OSBPL5: variants seen among roughly 807,000 people sequenced by gnomAD.
The protein encoded by OSBPL5 is oxysterol binding protein like 5.
A neutral mutation model predicts 111.2 loss-of-function variants in OSBPL5; 71 were observed. The observed-to-expected ratio is 0.64, with a 90% CI of 0.53 to 0.78. The LOEUF (loss-of-function observed/expected upper bound fraction) is 0.78, where lower values mean the gene tolerates loss of function less well. Among genes scored for constraint, OSBPL5 ranks in the 30% least tolerant of loss-of-function variants. OSBPL5 has a pLI of 0.00. For missense variants in OSBPL5, 1,210 were observed against 1,189.3 expected (o/e 1.02, Z -0.26); for synonymous variants, 549 against 513.9 (o/e 1.07, Z -0.93).
chr11:3,127,904 T>G (rs535360665), intron 2 of OSBPL5, among the ~76,000 whole-genome samples: 6 of 152,250 alleles, frequency 3.9e-5, no homozygotes, highest in African/African-American at 1.4e-4. Flanking sequence ...CAGCACGTCT[T>G]CTGCACCGCC....
rs778526206 is a variant in OSBPL5 at position 3,120,495 on chromosome 11, C to T, written c.532G>A (p.Glu178Lys). ...AAGCCGTCCTTCTTGGAGGGCCGCT[C>T]GATGAGCTCGCAGCAGTGCAGCAGC... is the stretch of plus-strand genomic sequence containing the variant. ...TVLLHCCELI[E>K]RPSKKDGFCF... The change falls in exon 6 of 22, where the codon GAG (glutamate) becomes AAG (lysine). Residue 178 changes from glutamate to lysine, a missense_variant. By Grantham distance (56) the Glu-to-Lys change is moderately conservative. Transcript: ENST00000263650. 8.7e-6 allele frequency: 14 copies of T among 1,613,214 alleles called. No homozygotes were observed. The highest frequency in any genetic ancestry group is 3.3e-5 in the Admixed American group (2 of 60,012).
intron 1 of OSBPL5, among the ~76,000 whole-genome samples, chr11:3,160,119 G>C (rs1433851021): frequency 5.9e-5 from 9 of 152,132 alleles, no homozygotes; most frequent in Non-Finnish European, 7.4e-5. Context: ...CTTGAATTTT[G>C]CTAAATTTGG....
At chr11:3,111,982 C>T (rs3903310) in intron 7 of OSBPL5, among the ~76,000 whole-genome samples, 25,867 of 134,466 alleles carry the variant, frequency 0.19, 2,390 homozygotes, top group Admixed American at 0.23. Context: ...TATGTGTGCG[C>T]GCATGTGTGT....
intron 17 of OSBPL5, 86 bp downstream of exon 17, chr11:3,093,441 C>A: frequency 6.5e-7 from 1 of 1,546,898 alleles, no homozygotes; most frequent in Non-Finnish European, 8.7e-7. Context: ...TGGGGCCATG[C>A]TCACAGCACT....
At chr11:3,139,309 C>T (rs1399475771) in intron 1 of OSBPL5, among the ~76,000 whole-genome samples, 2 of 152,110 alleles carry the variant, frequency 1.3e-5, no homozygotes, top group Admixed American at 6.5e-5. Context: ...GGGCTGGGGC[C>T]GTGGCCAAGC....
At chr11:3,090,050 C>G (rs1019831856) in intron 20 of OSBPL5, 102 bp from the exon 21 acceptor site, 19 of 834,180 alleles carry the variant, frequency 2.3e-5, no homozygotes, top group Non-Finnish European at 3.4e-5. Context: ...ATATCCAGCT[C>G]GGGCCTCCAC....
rs551390385 is a variant in OSBPL5 at position 3,122,316 on chromosome 11, C to T, written c.300+32G>A. ...CAGGTGGCCGTCGGTCTGACAGTGACACTGCTGCACCCTCCCCGGGCCCGG... is the reference window on the plus strand; with the variant it reads ...CAGGTGGCCGTCGGTCTGACAGTGATACTGCTGCACCCTCCCCGGGCCCGG... On this transcript the variant is annotated intron_variant, in intron 4 of 21. Transcript: ENST00000263650. The T allele has an allele frequency of 3.7e-5, 59 of 1,601,494 alleles. No homozygotes were observed. In the South Asian group the frequency reaches 6.3e-4, roughly 17 times the overall value.
Position 3,092,959 on chromosome 11 carries a change from C to G in OSBPL5, c.2040G>C (p.Arg680=). The change falls in exon 18 of 22, where the codon CGG becomes CGC. Residue 680 remains arginine (R), a synonymous_variant. Coordinates refer to ENST00000263650, the MANE Select transcript of OSBPL5 (RefSeq NM_020896.4). This position sits in a 1 kb window ranked among gnomAD's most constrained non-coding sequence, Gnocchi z 5.4. The stretch of plus-strand genomic sequence containing the variant: ...TGAGGCTCTCCTGCCGCTCACGGGC[C>G]CGCTGCCGCTGTGCCTCCTCCAGTG... ...KFALEEAQRQ[R]ARERQESLMP... The G allele has an allele frequency of 6.3e-7, 1 of 1,592,968 alleles. No homozygotes were observed. The highest frequency in any genetic ancestry group is 8.5e-7 in the Non-Finnish European group (1 of 1,171,152).
At chr11:3,098,866 G>C (rs566536958) in intron 14 of OSBPL5, among the ~76,000 whole-genome samples, 12 of 150,020 alleles carry the variant, frequency 8.0e-5, no homozygotes, top group Middle Eastern at 3.5e-3. Context: ...ATGCACTGGT[G>C]CCACGATGGC....
Position 3,154,842 on chromosome 11 carries a change from C to G in OSBPL5, c.-22+10374G>C, listed in dbSNP as rs766454770. Reference sequence around the variant, plus strand: ...ATGACGAGTTAATGGGTGCGGCACACCAACATGGCACATGTATACATATGT... The same window carrying G: ...ATGACGAGTTAATGGGTGCGGCACAGCAACATGGCACATGTATACATATGT... On this transcript the variant is annotated intron_variant, in intron 1 of 21. Coordinates refer to ENST00000263650, the MANE Select transcript of OSBPL5 (RefSeq NM_020896.4). The surrounding 1 kb of genome is among the most constrained non-coding windows in gnomAD (Gnocchi z 4.9). Among the ~76,000 whole-genome samples the G allele has an allele frequency of 2.0e-3, 304 of 152,214 alleles. 1 individual carries two copies. Among genetic ancestry groups the G allele is most frequent in the Non-Finnish European group, 3.5e-3 (236 of 68,020 alleles).
In OSBPL5 at chr11:3,126,389, C is replaced by T. The variant is rs564263149; in HGVS notation, c.219+84G>A. The T allele has an allele frequency of 5.2e-5, 66 of 1,260,438 alleles. No individual in the cohort carries two copies. The highest frequency in any genetic ancestry group is 6.7e-5 in the Non-Finnish European group (63 of 941,164). 78.1% of individuals were successfully genotyped at this position (1,260,438 alleles called of 1,614,324 possible). On this transcript the variant is annotated intron_variant, in intron 3 of 21. Transcript: ENST00000263650. The surrounding 1 kb of genome is among the most constrained non-coding windows in gnomAD (Gnocchi z 6.5). ...TGGAATGGCAGGCTCAGCTGGACGC[C>T]CTGCTGTCCTTTTCCCCAGCCGTTT... is the stretch of plus-strand genomic sequence containing the variant.
intron 1 of OSBPL5, among the ~76,000 whole-genome samples, chr11:3,158,452 C>G (rs1294688756): frequency 1.3e-5 from 2 of 152,268 alleles, no homozygotes; most frequent in Non-Finnish European, 2.9e-5. Context: ...AGAGCTCTTC[C>G]TGTCCTGGCC....
At chr11:3,145,073 C>T (rs79824219) in intron 1 of OSBPL5, among the ~76,000 whole-genome samples, 1,603 of 152,304 alleles carry the variant, frequency 0.011, 28 homozygotes, top group African/African-American at 0.037. Context: ...ACGGAAGGGG[C>T]ACTGCGCTCC....
At chr11:3,157,469 C>T (rs569335487) in intron 1 of OSBPL5, among the ~76,000 whole-genome samples, 1 of 152,302 alleles carries the variant, frequency 6.6e-6, no homozygotes, top group East Asian at 1.9e-4. Flanking sequence ...GGTACTGAGG[C>T]AGCACCCCGA....
intron 19 of OSBPL5, among the ~76,000 whole-genome samples, chr11:3,091,739 C>T (rs969950293): frequency 1.3e-5 from 2 of 152,154 alleles, no homozygotes; most frequent in African/African-American, 4.8e-5. Context: ...AAGGAGATAC[C>T]GCGGCCCCCA....
chr11:3,110,704 T>C lies in OSBPL5; in HGVS notation c.692-2759A>G, dbSNP rs1378440749. The stretch of plus-strand genomic sequence containing the variant: ...TGAGATAAATGCATATCTCATTGTC[T>C]CCTTTGGAGAAGCTCATCAGAAACT... On this transcript the variant is annotated intron_variant, in intron 7 of 21. Transcript: ENST00000263650. The surrounding 1 kb of genome is among the most constrained non-coding windows in gnomAD (Gnocchi z 5.3). 6.6e-6 allele frequency among the ~76,000 whole-genome samples: 1 copy of C among 152,194 alleles called. No individual in the cohort carries two copies. Among genetic ancestry groups the C allele is most frequent in the Non-Finnish European group, 1.5e-5 (1 of 68,044 alleles).
At position 3,141,419 on chromosome 11, in the gene OSBPL5, T is replaced by G. The variant is rs1459962767; in HGVS notation, c.-21-12250A>C. ...AGGTCCAGCCCCGAGGCCTCCTTGG[T>G]TCCCCTCAGAACAGAGCTTCCAGAA... is the stretch of plus-strand genomic sequence containing the variant. On this transcript the variant is annotated intron_variant, in intron 1 of 21. Transcript: ENST00000263650. This position sits in a 1 kb window ranked among gnomAD's most constrained non-coding sequence, Gnocchi z 6.5. 6.6e-6 allele frequency among the ~76,000 whole-genome samples: 1 copy of G among 152,024 alleles called. No homozygotes were observed. The highest frequency in any genetic ancestry group is 2.4e-5 in the African/African-American group (1 of 41,392).
At position 3,126,899 on chromosome 11, in the gene OSBPL5, G is replaced by A. The variant is rs1564846746; in HGVS notation, c.137-344C>T. Among the ~76,000 whole-genome samples, 1 of 152,196 alleles carries A rather than the reference G, an allele frequency of 6.6e-6. No individual in the cohort carries two copies. Among genetic ancestry groups the A allele is most frequent in the Non-Finnish European group, 1.5e-5 (1 of 68,036 alleles). ...TCCCCAGTTTTCAGAAAAAGAATGTGACATCCAGTCTCAAAGACACATGGC... is the reference window on the plus strand; with the variant it reads ...TCCCCAGTTTTCAGAAAAAGAATGTAACATCCAGTCTCAAAGACACATGGC... On this transcript the variant is annotated intron_variant, in intron 2 of 21. Coordinates refer to ENST00000263650, the MANE Select transcript of OSBPL5 (RefSeq NM_020896.4). The surrounding 1 kb of genome is among the most constrained non-coding windows in gnomAD (Gnocchi z 6.5).
intron 3 of OSBPL5, among the ~76,000 whole-genome samples, chr11:3,122,867 G>A (rs747765951): frequency 2.6e-5 from 4 of 152,198 alleles, no homozygotes; most frequent in South Asian, 2.1e-4. Flanking sequence ...AGAGGAGCTC[G>A]GCGGCGGCCA....
Sources: gnomAD v4.1 joint callset for allele counts (sites outside exome capture counted in the v4.1 genomes callset) on GRCh38, gnomAD v4.1.1 for gene constraint, Gnocchi (gnomAD v3.1) non-coding constraint, MANE v1.5 for transcripts, NCBI Gene and HGNC (gene_info 2026-07-23, HGNC 2026-07-21) for gene names.